Variants in PSD3 observed in about 807,000 individuals in gnomAD.
PSD3 encodes the protein PH and SEC7 domain-containing protein 3.
Under a neutral mutation model 105.5 loss-of-function variants are expected in PSD3, and 49 were observed. That is an observed-to-expected ratio of 0.46 (90% CI 0.37 to 0.59). The LOEUF is 0.59. Among genes scored for constraint, PSD3 ranks in the 20% least tolerant of loss-of-function variants. The pLI, the probability that PSD3 is intolerant of heterozygous loss-of-function variation, is 0.00. For missense variants in PSD3, 1,561 were observed against 1,263.8 expected (o/e 1.24, Z -3.57); for synonymous variants, 557 against 457.8 (o/e 1.22, Z -2.77).
rs1799720975 is a variant in PSD3, at chr8:18,670,484, C to G, written c.2173-14799G>C. ...GAAACAGCAGCGAGGCAGGTGGAAT[C>G]TGGGTGAGAGGTGAGGTAAGTTGAC... On this transcript the variant is annotated intron_variant, in intron 9 of 15. Transcript: ENST00000327040. Among the ~76,000 whole-genome samples, 3 of 152,054 alleles carry G rather than the reference C, an allele frequency of 2.0e-5. 1 individual carries two copies. In the South Asian group the frequency reaches 6.2e-4, roughly 32 times the overall value.
intron 2 of PSD3, among the ~76,000 whole-genome samples, chr8:18,874,145 T>TTTTTATTTTATTTTA (rs146118813): frequency 5.5e-4 from 83 of 151,940 alleles, no homozygotes; most frequent in African/African-American, 1.9e-3. Flanking sequence ...GTTGTTACCA[T>TTTTTATTTTATTTTA]TTTTATTTTA....
At chr8:18,651,565 G>C (rs565349827) in intron 10 of PSD3, among the ~76,000 whole-genome samples, 1 of 152,272 alleles carries the variant, frequency 6.6e-6, no homozygotes, top group African/African-American at 2.4e-5. Flanking sequence ...AGCAACAGAG[G>C]AGATAAAGGG....
intron 8 of PSD3, among the ~76,000 whole-genome samples, chr8:18,793,624 C>A (rs1389310999): frequency 6.6e-6 from 1 of 152,076 alleles, no homozygotes; most frequent in Non-Finnish European, 1.5e-5. Context: ...AAATTATGAC[C>A]ATGGATGGAA....
intron 15 of PSD3, among the ~76,000 whole-genome samples, chr8:18,543,627 A>C (rs1037638012): frequency 6.6e-6 from 1 of 151,980 alleles, no homozygotes; most frequent in Non-Finnish European, 1.5e-5. Flanking sequence ...CAAAAACAAA[A>C]AAAAAAACAA....
At chr8:18,748,781 C>T (rs79126393) in intron 9 of PSD3, among the ~76,000 whole-genome samples, 2,672 of 152,142 alleles carry the variant, frequency 0.018, 129 homozygotes, top group East Asian at 0.17. Flanking sequence ...ATCATCTCTC[C>T]ACACAAGCTG....
intron 10 of PSD3, among the ~76,000 whole-genome samples, chr8:18,640,584 T>C (rs551513941): frequency 1.4e-4 from 22 of 152,326 alleles, no homozygotes; most frequent in African/African-American, 5.3e-4. Flanking sequence ...ACGTGTTTCC[T>C]TCCCCTTCTG....
intron 12 of PSD3, among the ~76,000 whole-genome samples, chr8:18,582,889 G>C (rs1243065889): frequency 1.4e-5 from 2 of 145,176 alleles, no homozygotes; most frequent in Non-Finnish European, 3.0e-5. Context: ...GCAGTGGCAA[G>C]ATCTCGGCTC....
intron 9 of PSD3, among the ~76,000 whole-genome samples, chr8:18,667,318 T>A (rs149289762): frequency 6.6e-6 from 1 of 152,104 alleles, no homozygotes; most frequent in Non-Finnish European, 1.5e-5. Flanking sequence ...CCCACTAGAT[T>A]AGCTAGATAC....
chr8:18,757,583 G>C (rs1806163794), intron 9 of PSD3, among the ~76,000 whole-genome samples: 2 of 152,310 alleles, frequency 1.3e-5, no homozygotes, highest in Admixed American at 6.5e-5. Flanking sequence ...TCTACCAGCA[G>C]AATCTCTAAT....
At chr8:18,789,532 G>T (rs335250) in intron 8 of PSD3, among the ~76,000 whole-genome samples, 71,368 of 151,958 alleles carry the variant, frequency 0.47, 18,553 homozygotes, top group African/African-American at 0.7. Flanking sequence ...GTAAACAAAA[G>T]ATTTTGGGGC....
At chr8:18,561,327 C>T (rs1801385783) in intron 14 of PSD3, among the ~76,000 whole-genome samples, 1 of 152,148 alleles carries the variant, frequency 6.6e-6, no homozygotes, top group Admixed American at 6.5e-5. Flanking sequence ...TCATTTGCGA[C>T]AACATGGACA....
intron 9 of PSD3, among the ~76,000 whole-genome samples, chr8:18,688,114 T>C (rs184289284): frequency 6.6e-6 from 1 of 152,160 alleles, no homozygotes; most frequent in African/African-American, 2.4e-5. Flanking sequence ...GGTCCTGTTC[T>C]GTCGCTCAGG....
intron 9 of PSD3, among the ~76,000 whole-genome samples, chr8:18,739,075 G>T (rs997577963): frequency 1.1e-4 from 17 of 152,224 alleles, no homozygotes; most frequent in Non-Finnish European, 2.2e-4. Flanking sequence ...CATGTTTGTG[G>T]TTCAAAAATC....
At chr8:18,536,044 G>C (rs561951119) in intron 15 of PSD3, 86 bp from the exon 16 acceptor site, 32 of 1,273,286 alleles carry the variant, frequency 2.5e-5, no homozygotes, top group Middle Eastern at 2.1e-4. Context: ...CCCACCTGGA[G>C]AGTGTGAATG....
At chr8:18,620,317 C>T (rs1340977614) in intron 11 of PSD3, among the ~76,000 whole-genome samples, 1 of 149,668 alleles carries the variant, frequency 6.7e-6, no homozygotes, top group Non-Finnish European at 1.5e-5. Context: ...CTCGGGACTA[C>T]TTACTGAAGG....
chr8:18,853,754 T>C (rs1815776938), intron 4 of PSD3, among the ~76,000 whole-genome samples: 1 of 152,098 alleles, frequency 6.6e-6, no homozygotes, highest in Non-Finnish European at 1.5e-5. Flanking sequence ...TTAGTGACCT[T>C]CCACAGCCTG....
chr8:18,956,994 C>G (rs2129470745), intron 1 of PSD3, among the ~76,000 whole-genome samples: 1 of 152,310 alleles, frequency 6.6e-6, no homozygotes, highest in East Asian at 1.9e-4. Context: ...TCTCCTCTCC[C>G]AAGATGAAAT....
At chr8:18,589,173 C>T (rs898236911) in intron 12 of PSD3, among the ~76,000 whole-genome samples, 1 of 152,124 alleles carries the variant, frequency 6.6e-6, no homozygotes, top group Non-Finnish European at 1.5e-5. Flanking sequence ...GCCAGAGTAG[C>T]TGACTTATAA....
chr8:18,783,197 C>T (rs190140666), intron 8 of PSD3, among the ~76,000 whole-genome samples: 1 of 152,154 alleles, frequency 6.6e-6, no homozygotes, highest in Admixed American at 6.5e-5. Context: ...GTTTTGTTTC[C>T]TTTTGAGTTT....
Sources: allele counts gnomAD v4.1 joint callset (sites outside exome capture counted in the v4.1 genomes callset), GRCh38; gene constraint gnomAD v4.1.1; transcripts MANE v1.5; gene names NCBI Gene and HGNC (gene_info 2026-07-23, HGNC 2026-07-21).